The following RTL4 variants were observed in gnomAD, a reference collection of about 807,000 sequenced individuals.
The protein encoded by RTL4 is retrotransposon Gag like 4.
In RTL4, 4 loss-of-function variants were observed where a neutral mutation model predicts 5.3. The ratio of observed to expected loss-of-function variants is 0.75; its 90% CI spans 0.37 to 1.72. The LOEUF (loss-of-function observed/expected upper bound fraction) is 1.72, where lower values mean the gene tolerates loss of function less well. RTL4 is among the 40% of genes most tolerant of loss of function. The probability of loss-of-function intolerance (pLI) is 0.04; values close to 1 mark genes in which losing one functional copy is unlikely to be tolerated. For missense variants in RTL4, 260 were observed against 227.1 expected, an observed-to-expected ratio of 1.14 and a Z score of -0.93; for synonymous variants, 98 against 87.3, an observed-to-expected ratio of 1.12 and a Z score of -0.68.
At chrX:112,314,352 G>A in the RTL4 span, among the ~76,000 whole-genome samples, 2 of 109,744 alleles carry the variant, frequency 1.8e-5, no homozygotes, top group Admixed American at 2.0e-4. Flanking sequence ...CCTAGTAATG[G>A]GAACTTTTTG....
the RTL4 span, among the ~76,000 whole-genome samples, chrX:112,348,160 CTT>C: frequency 1.9e-5 from 2 of 105,890 alleles, no homozygotes; most frequent in Non-Finnish European, 3.9e-5. Context: ...GATATTAACT[CTT>C]TTTTTTTTAA....
At chrX:112,261,228 A>G in the RTL4 span, among the ~76,000 whole-genome samples, 12 of 111,606 alleles carry the variant, frequency 1.1e-4, no homozygotes, top group African/African-American at 2.9e-4. Flanking sequence ...AGGGTATTCA[A>G]TTAGGAAAAG....
At chrX:112,240,922 G>T in the RTL4 span, among the ~76,000 whole-genome samples, 1 of 110,687 alleles carries the variant, frequency 9.0e-6, no homozygotes, top group Non-Finnish European at 1.9e-5. Context: ...TGTGGTGTTT[G>T]GTTTTCTGTC....
the RTL4 span, among the ~76,000 whole-genome samples, chrX:112,279,597 G>A: frequency 9.0e-6 from 1 of 110,659 alleles, no homozygotes; most frequent in African/African-American, 3.3e-5. Flanking sequence ...CCAAAATGAG[G>A]AGGTTAACTT....
At chrX:112,226,436 T>G in the RTL4 span, among the ~76,000 whole-genome samples, 8 of 112,071 alleles carry the variant, frequency 7.1e-5, no homozygotes, top group East Asian at 2.3e-3. Flanking sequence ...GAATGATCCT[T>G]AAGCAGATTT....
At chrX:112,360,270 G>T in the RTL4 span, among the ~76,000 whole-genome samples, 27 of 111,229 alleles carry the variant, frequency 2.4e-4, no homozygotes, top group Non-Finnish European at 4.4e-4. Flanking sequence ...ATTTTTTGAA[G>T]TTCCAGATCC....
the RTL4 span, among the ~76,000 whole-genome samples, chrX:112,309,910 G>GTA: frequency 9.3e-4 from 96 of 103,036 alleles, no homozygotes; most frequent in African/African-American, 3.2e-3. Context: ...ATGTGTGTGT[G>GTA]TATATATATA....
At chrX:112,434,777 T>C in the RTL4 span, among the ~76,000 whole-genome samples, 1 of 111,919 alleles carries the variant, frequency 8.9e-6, no homozygotes, top group East Asian at 2.8e-4. Context: ...TTCTGGGCAC[T>C]TTGTTTACCA....
At chrX:112,087,201 G>A in the RTL4 span, among the ~76,000 whole-genome samples, 2 of 111,193 alleles carry the variant, frequency 1.8e-5, no homozygotes, top group East Asian at 5.7e-4. Context: ...CTCAGGAAGA[G>A]TAGGTTTAGT....
At chrX:112,360,307 A>G in the RTL4 span, among the ~76,000 whole-genome samples, 1 of 111,493 alleles carries the variant, frequency 9.0e-6, no homozygotes, top group Admixed American at 9.6e-5. Flanking sequence ...CTCAGGTTTC[A>G]AGGCCTAGAT....
At chrX:112,412,764 C>T in the RTL4 span, among the ~76,000 whole-genome samples, 1 of 111,193 alleles carries the variant, frequency 9.0e-6, no homozygotes, top group Non-Finnish European at 1.9e-5. Context: ...AAAGGAAAAT[C>T]TTGAGGAGAC....
the RTL4 span, among the ~76,000 whole-genome samples, chrX:112,101,729 G>A: frequency 9.0e-6 from 1 of 111,017 alleles, no homozygotes; most frequent in Non-Finnish European, 1.9e-5. Context: ...ATTAATAATA[G>A]GATATTTGCA....
the RTL4 span, among the ~76,000 whole-genome samples, chrX:112,273,437 A>T: frequency 4.5e-5 from 5 of 110,663 alleles, no homozygotes; most frequent in African/African-American, 6.6e-5. Flanking sequence ...TATTTTTAGT[A>T]GAGACGGTGT....
the RTL4 span, among the ~76,000 whole-genome samples, chrX:112,429,512 C>G: frequency 9.0e-6 from 1 of 110,706 alleles, no homozygotes; most frequent in Admixed American, 9.7e-5. Flanking sequence ...ATGTATTTCA[C>G]TTATACCTAG....
At chrX:112,382,515 T>C in the RTL4 span, among the ~76,000 whole-genome samples, 1 of 112,091 alleles carries the variant, frequency 8.9e-6, no homozygotes, top group African/African-American at 3.2e-5. Flanking sequence ...TCAAACTAGC[T>C]AAAGGAAACC....
At chrX:112,381,812 G>A in the RTL4 span, 21 of 1,209,612 alleles carry the variant, frequency 1.7e-5, no homozygotes, top group Middle Eastern at 2.3e-4. Flanking sequence ...AAAGACACGG[G>A]AAGTACAGGC....
chrX:112,355,445 T>TTTTTTC, the RTL4 span, among the ~76,000 whole-genome samples: 2 of 111,348 alleles, frequency 1.8e-5, no homozygotes, highest in Non-Finnish European at 3.8e-5. Flanking sequence ...GACATGTATA[T>TTTTTTC]TTTTTCTTTT....
At chrX:112,246,577 G>A in the RTL4 span, among the ~76,000 whole-genome samples, 1 of 111,936 alleles carries the variant, frequency 8.9e-6, no homozygotes, top group Admixed American at 9.5e-5. Context: ...TGTTGGAAAA[G>A]CACAGTATTT....
chrX:112,272,538 G>A, the RTL4 span, among the ~76,000 whole-genome samples: 2 of 111,423 alleles, frequency 1.8e-5, 1 homozygote, highest in South Asian at 7.6e-4. Context: ...GGTAGAATGG[G>A]CTGTGAATGT....
Sources: gnomAD v4.1 joint callset for allele counts (sites outside exome capture counted in the v4.1 genomes callset) on GRCh38, gnomAD v4.1.1 for gene constraint, MANE v1.5 for transcripts, NCBI Gene and HGNC (gene_info 2026-07-23, HGNC 2026-07-21) for gene names.